Variants in MAP3K13 observed in about 807,000 individuals in gnomAD.
MAP3K13 encodes the protein mitogen-activated protein kinase kinase kinase 13, also known as leucine zipper-bearing kinase.
In MAP3K13, 52 loss-of-function variants were observed where a neutral mutation model predicts 104.0. The ratio of observed to expected loss-of-function variants is 0.50; its 90% CI spans 0.40 to 0.63. The LOEUF (loss-of-function observed/expected upper bound fraction) is 0.63, where lower values mean the gene tolerates loss of function less well. Among genes scored for constraint, MAP3K13 ranks in the 20% least tolerant of loss-of-function variants. The pLI, the probability that MAP3K13 is intolerant of heterozygous loss-of-function variation, is 0.00. For synonymous variants in MAP3K13, 394 were observed against 442.2 expected (o/e 0.89, Z 1.37); for missense variants, 914 against 1,218.5 (o/e 0.75, Z 3.72).
At chr3:185,325,083 A>G (rs934612924) in intron 2 of MAP3K13, among the ~76,000 whole-genome samples, 4 of 152,224 alleles carry the variant, frequency 2.6e-5, no homozygotes, top group Non-Finnish European at 5.9e-5. Flanking sequence ...TTCAATGTTT[A>G]TTTACTAATA....
intron 2 of MAP3K13, among the ~76,000 whole-genome samples, chr3:185,331,568 G>A (rs1366089757): frequency 6.6e-6 from 1 of 152,030 alleles, no homozygotes; most frequent in Non-Finnish European, 1.5e-5. Context: ...CTTGTTCAGG[G>A]CCATATTGTC....
intron 2 of MAP3K13, among the ~76,000 whole-genome samples, chr3:185,336,582 T>A (rs1031070346): frequency 2.8e-4 from 16 of 57,902 alleles, no homozygotes; most frequent in Admixed American, 1.6e-4. Context: ...AGGAATAATA[T>A]TTCTGGATTG....
At chr3:185,370,811 G>T (rs1724119965) in intron 1 of MAP3K13, among the ~76,000 whole-genome samples, 2 of 150,082 alleles carry the variant, frequency 1.3e-5, no homozygotes, top group South Asian at 2.1e-4. Context: ...TAGGGGATGT[G>T]GCTACCGATA....
Position 185,480,429 on chromosome 3 carries a change from C to T in MAP3K13, c.2699C>T (p.Ser900Phe). The change falls in exon 13 of 14, where the codon TCC becomes TTC. Residue 900 changes from serine to phenylalanine, a missense_variant. Coordinates refer to ENST00000265026, the MANE Select transcript of MAP3K13 (RefSeq NM_004721.5). ...SQTPEIPIDI[S>F]SHSDGLSDKE... ...ACGCCAGAGATTCCCATTGACATAT[C>T]CTCACACTCGGATGGGCTCTCTGAC... 2 of 1,614,202 alleles carry T rather than the reference C, an allele frequency of 1.2e-6. No homozygotes were observed. Among genetic ancestry groups the T allele is most frequent in the Non-Finnish European group, 1.7e-6 (2 of 1,180,036 alleles).
chr3:185,297,795 A>G (rs538850268), intron 2 of MAP3K13, among the ~76,000 whole-genome samples: 3 of 152,138 alleles, frequency 2.0e-5, no homozygotes, highest in South Asian at 4.1e-4. Flanking sequence ...TCACAACTAA[A>G]CAGGGTAGGA....
intron 1 of MAP3K13, among the ~76,000 whole-genome samples, chr3:185,375,890 T>C (rs1259625909): frequency 6.6e-6 from 1 of 152,198 alleles, no homozygotes; most frequent in Non-Finnish European, 1.5e-5. Flanking sequence ...GTGAAAGGCA[T>C]ATTTAGAGTC....
intron 1 of MAP3K13, among the ~76,000 whole-genome samples, chr3:185,399,035 G>T (rs965167082): frequency 2.8e-4 from 42 of 152,018 alleles, no homozygotes; most frequent in African/African-American, 1.0e-3. Flanking sequence ...GATGCTAGTA[G>T]TTTTTTTTAT....
chr3:185,345,172 T>C (rs1390259202), intron 2 of MAP3K13, among the ~76,000 whole-genome samples: 2 of 152,162 alleles, frequency 1.3e-5, no homozygotes, highest in Non-Finnish European at 2.9e-5. Context: ...CCATTTCTAC[T>C]AATCTCATCA....
chr3:185,438,288 C>A (rs921009784), intron 3 of MAP3K13, among the ~76,000 whole-genome samples: 13 of 138,038 alleles, frequency 9.4e-5, no homozygotes, highest in Non-Finnish European at 1.4e-4. Context: ...AGAGTGAGAC[C>A]CTGAAAAAAA....
At chr3:185,392,112 GGATATAA>G (rs1234904701) in intron 1 of MAP3K13, among the ~76,000 whole-genome samples, 2 of 152,064 alleles carry the variant, frequency 1.3e-5, no homozygotes, top group Non-Finnish European at 1.5e-5. Flanking sequence ...TGAACATGTT[GGATATAA>G]GATAAAATTT....
At chr3:185,462,466 C>A (rs1403074936) in intron 7 of MAP3K13, among the ~76,000 whole-genome samples, 1 of 152,112 alleles carries the variant, frequency 6.6e-6, no homozygotes, top group Non-Finnish European at 1.5e-5. Context: ...TTCAATTCAG[C>A]ACCTTTCTTT....
intron 2 of MAP3K13, among the ~76,000 whole-genome samples, chr3:185,320,925 T>C (rs1721832965): frequency 6.6e-6 from 1 of 152,234 alleles, no homozygotes; most frequent in South Asian, 2.1e-4. Context: ...AAATTAGGAT[T>C]GGAAGCATAG....
chr3:185,378,001 T>TGG (rs749076674), intron 1 of MAP3K13, among the ~76,000 whole-genome samples: 4 of 150,776 alleles, frequency 2.7e-5, no homozygotes, highest in African/African-American at 7.3e-5. Flanking sequence ...AGCAAGCTCC[T>TGG]GGGGTGGGGG....
At chr3:185,293,892 G>A (rs371707027) in intron 2 of MAP3K13, among the ~76,000 whole-genome samples, 2 of 152,110 alleles carry the variant, frequency 1.3e-5, no homozygotes, top group South Asian at 2.1e-4. Flanking sequence ...TTGTAGCACA[G>A]AGAAAGCCTA....
chr3:185,422,046 T>G (rs542869970), intron 1 of MAP3K13, among the ~76,000 whole-genome samples: 52 of 152,276 alleles, frequency 3.4e-4, no homozygotes, highest in African/African-American at 1.2e-3. Context: ...ACCCTTGAGG[T>G]TTACCTCACC....
At chr3:185,352,398 C>T (rs911742462) in intron 2 of MAP3K13, among the ~76,000 whole-genome samples, 9 of 151,646 alleles carry the variant, frequency 5.9e-5, no homozygotes, top group African/African-American at 1.7e-4. Context: ...GAGCCAAGAT[C>T]GTGCCATTGC....
At chr3:185,361,065 T>C (rs907553616), upstream of MAP3K13, among the ~76,000 whole-genome samples, 1 of 144,872 alleles carries the variant, frequency 6.9e-6, no homozygotes, top group Non-Finnish European at 1.5e-5. Context: ...GACCTCAGAT[T>C]TTATATGTAT....
intron 2 of MAP3K13, among the ~76,000 whole-genome samples, chr3:185,336,844 T>G (rs1401136010): frequency 6.6e-6 from 1 of 152,076 alleles, no homozygotes; most frequent in Non-Finnish European, 1.5e-5. Flanking sequence ...TATGTGTGTT[T>G]ATGTCTGTAT....
intron 1 of MAP3K13, among the ~76,000 whole-genome samples, chr3:185,421,270 T>C (rs1012936083): frequency 6.6e-6 from 1 of 152,064 alleles, no homozygotes; most frequent in African/African-American, 2.4e-5. Context: ...CTCGGTTCAC[T>C]GCATTCTCCA....
Sources: allele counts gnomAD v4.1 joint callset (sites outside exome capture counted in the v4.1 genomes callset), GRCh38; gene constraint gnomAD v4.1.1; transcripts MANE v1.5; gene names NCBI Gene and HGNC (gene_info 2026-07-23, HGNC 2026-07-21).